MGAT4C: variants seen among roughly 807,000 people sequenced by gnomAD.
MGAT4C encodes alpha-1,3-mannosyl-glycoprotein 4-beta-N-acetylglucosaminyltransferase C.
Under a neutral mutation model 40.1 loss-of-function variants are expected in MGAT4C, and 19 were observed. That is an observed-to-expected ratio of 0.47 (90% CI 0.33 to 0.70). MGAT4C has a LOEUF of 0.70. Among genes scored for constraint, MGAT4C ranks in the 30% least tolerant of loss-of-function variants. MGAT4C has a pLI of 0.02. For missense variants in MGAT4C, 491 were observed against 563.2 expected (o/e 0.87, Z 1.30); for synonymous variants, 181 against 187.1 (o/e 0.97, Z 0.27).
chr12:86,269,587 G>A (rs1952890514), intron 4 of MGAT4C, among the ~76,000 whole-genome samples: 1 of 151,306 alleles, frequency 6.6e-6, no homozygotes, highest in Non-Finnish European at 1.5e-5. Flanking sequence ...TGGTTGCCAG[G>A]TGTAGAAGAG....
intron 1 of MGAT4C, among the ~76,000 whole-genome samples, chr12:86,220,705 G>A (rs1950845976): frequency 6.6e-6 from 1 of 152,138 alleles, no homozygotes; most frequent in Admixed American, 6.6e-5. Flanking sequence ...GTCTCAATAA[G>A]TGGAAAATAA....
At chr12:86,679,103 CTT>C (rs1483345118) in intron 2 of MGAT4C, among the ~76,000 whole-genome samples, 2 of 152,074 alleles carry the variant, frequency 1.3e-5, no homozygotes, top group Non-Finnish European at 2.9e-5. Context: ...TGTTTCCTGA[CTT>C]TTTAATGATC....
chr12:86,026,304 C>A (rs1890235607), intron 2 of MGAT4C, among the ~76,000 whole-genome samples: 1 of 151,544 alleles, frequency 6.6e-6, no homozygotes, highest in Admixed American at 6.6e-5. Flanking sequence ...TTTTTTAGGA[C>A]CTTTTCTCTG....
At chr12:86,257,954 G>A (rs1161178257), upstream of MGAT4C, among the ~76,000 whole-genome samples, 1 of 151,880 alleles carries the variant, frequency 6.6e-6, no homozygotes, top group African/African-American at 2.4e-5. Flanking sequence ...ATAAAGATAT[G>A]GGGATCAGAT....
chr12:86,315,111 T>C (rs1433224912), intron 4 of MGAT4C, among the ~76,000 whole-genome samples: 1 of 151,582 alleles, frequency 6.6e-6, no homozygotes, highest in African/African-American at 2.4e-5. Context: ...TACTTCAAAC[T>C]ATACTATAAT....
At chr12:86,109,081 A>G (rs1284518892) in intron 1 of MGAT4C, among the ~76,000 whole-genome samples, 2 of 152,170 alleles carry the variant, frequency 1.3e-5, no homozygotes, top group Non-Finnish European at 2.9e-5. Flanking sequence ...AATCTACAAC[A>G]TGGGATTTAA....
chr12:86,083,702 C>T (rs988695033), intron 1 of MGAT4C, among the ~76,000 whole-genome samples: 5 of 152,044 alleles, frequency 3.3e-5, no homozygotes, highest in Non-Finnish European at 7.4e-5. Flanking sequence ...TGGCTTATCA[C>T]CACAATGTTC....
intron 2 of MGAT4C, among the ~76,000 whole-genome samples, chr12:86,511,500 C>T (rs1377049140): frequency 6.6e-6 from 1 of 152,004 alleles, no homozygotes; most frequent in African/African-American, 2.4e-5. Flanking sequence ...ATGTAACTGA[C>T]ATGTTTTAAA....
intron 2 of MGAT4C, among the ~76,000 whole-genome samples, chr12:85,993,526 T>C (rs1282538104): frequency 1.3e-5 from 2 of 152,158 alleles, no homozygotes; most frequent in African/African-American, 4.8e-5. Flanking sequence ...CACACTGCCT[T>C]CATCAGTGGG....
chr12:86,411,116 T>C (rs778960471), intron 3 of MGAT4C, among the ~76,000 whole-genome samples: 2 of 152,258 alleles, frequency 1.3e-5, no homozygotes, highest in Non-Finnish European at 2.9e-5. Flanking sequence ...TTCCTTATAT[T>C]ATGTTGGTGT....
intron 1 of MGAT4C, among the ~76,000 whole-genome samples, chr12:86,176,823 T>C (rs1021878941): frequency 1.4e-5 from 2 of 147,272 alleles, no homozygotes; most frequent in Admixed American, 7.0e-5. Flanking sequence ...GCTGTTTTAT[T>C]TTTCTTATCT....
intron 2 of MGAT4C, among the ~76,000 whole-genome samples, chr12:86,706,003 A>G (rs892437738): frequency 1.3e-5 from 2 of 152,194 alleles, no homozygotes; most frequent in African/African-American, 4.8e-5. Context: ...GAGTCATTCA[A>G]TTCATCACTG....
chr12:86,360,279 T>C lies in MGAT4C; in HGVS notation c.-119-26152A>G, dbSNP rs376656626. The stretch of plus-strand genomic sequence containing the variant: ...ATGCAGAAAAGGCCTTTGACAAAGT[T>C]CAAGAGCACTTCATGCTAAAAACTC... On this transcript the variant is annotated intron_variant, in intron 3 of 7. Coordinates refer to the MGAT4C transcript ENST00000548651. 3.3e-5 allele frequency among the ~76,000 whole-genome samples: 5 copies of C among 152,142 alleles called. No homozygotes were observed. In the South Asian group the frequency reaches 1.0e-3, roughly 31 times the overall value.
intron 3 of MGAT4C, among the ~76,000 whole-genome samples, chr12:86,415,930 G>T (rs1423725974): frequency 6.6e-6 from 1 of 151,992 alleles, no homozygotes; most frequent in African/African-American, 2.4e-5. Flanking sequence ...ACACAAAAAA[G>T]ATTTCAGGAA....
intron 3 of MGAT4C, among the ~76,000 whole-genome samples, chr12:85,985,439 A>G (rs1196754056): frequency 6.6e-6 from 1 of 152,234 alleles, no homozygotes; most frequent in Non-Finnish European, 1.5e-5. Context: ...CATTCTGAAT[A>G]TCTTTTCTGT....
At chr12:86,030,414 T>A (rs1890636878) in intron 2 of MGAT4C, among the ~76,000 whole-genome samples, 1 of 151,720 alleles carries the variant, frequency 6.6e-6, no homozygotes, top group Admixed American at 6.6e-5. Flanking sequence ...TGTTAGTGAG[T>A]ATGACTACAT....
intron 1 of MGAT4C, among the ~76,000 whole-genome samples, chr12:86,090,520 A>G (rs558491753): frequency 1.3e-5 from 2 of 151,900 alleles, no homozygotes; most frequent in South Asian, 4.1e-4. Flanking sequence ...GTAAATATTA[A>G]TGTTGCAGTA....
chr12:86,619,953 G>C (rs1962584996), intron 2 of MGAT4C, among the ~76,000 whole-genome samples: 1 of 152,050 alleles, frequency 6.6e-6, no homozygotes, highest in Non-Finnish European at 1.5e-5. Context: ...TGTAATTGTT[G>C]AAGAAATAAA....
chr12:86,645,805 A>G (rs913430345), intron 2 of MGAT4C, among the ~76,000 whole-genome samples: 2 of 151,772 alleles, frequency 1.3e-5, no homozygotes, highest in African/African-American at 4.8e-5. Context: ...GAAATTAAAA[A>G]CAGCATTATT....
Sources: allele counts gnomAD v4.1 joint callset (sites outside exome capture counted in the v4.1 genomes callset), GRCh38; gene constraint gnomAD v4.1.1; transcripts MANE v1.5; gene names NCBI Gene and HGNC (gene_info 2026-07-23, HGNC 2026-07-21).